Variants in GRIA3 observed in about 807,000 individuals in gnomAD.
GRIA3 encodes glutamate receptor 3.
A neutral mutation model predicts 63.0 loss-of-function variants in GRIA3; 3 were observed. The observed-to-expected ratio is 0.05, with a 90% CI of 0.02 to 0.12. GRIA3 has a LOEUF of 0.12. Ranked by LOEUF, GRIA3 falls within the 10% of genes least tolerant of loss-of-function variation. The pLI is 1.00. For synonymous variants in GRIA3, 274 were observed against 257.9 expected (o/e 1.06, Z -0.60); for missense variants, 347 against 700.9 (o/e 0.50, Z 5.70).
Position 123,484,274 on chromosome X carries a change from A to T in GRIA3, c.*2+1228A>T, listed in dbSNP as rs150842080. On this transcript the variant is annotated intron_variant, in intron 15 of 15. Transcript: ENST00000620443. ...CTCCATTCTGGACGTGTTTAAAAGA[A>T]TATAGTCTTGTTACTTTAAAGTGCA... Among the ~76,000 whole-genome samples, 701 of 112,440 alleles carry T rather than the reference A, an allele frequency of 6.2e-3. 10 individuals carry two copies. The highest frequency in any genetic ancestry group is 0.021 in the African/African-American group (649 of 31,006).
At chrX:123,476,155 C>A (rs1009302151) in intron 13 of GRIA3, among the ~76,000 whole-genome samples, 2 of 111,364 alleles carry the variant, frequency 1.8e-5, no homozygotes, top group African/African-American at 6.5e-5. Context: ...AATGGAGATA[C>A]AAATACATGA....
intron 12 of GRIA3, among the ~76,000 whole-genome samples, chrX:123,430,869 G>A (rs1603150537): frequency 9.0e-6 from 1 of 110,787 alleles, no homozygotes; most frequent in East Asian, 2.8e-4. Flanking sequence ...TGTAATTCCA[G>A]CTACTCGGGA....
intron 2 of GRIA3, among the ~76,000 whole-genome samples, chrX:123,214,205 A>G (rs1156856494): frequency 1.8e-5 from 2 of 112,360 alleles, no homozygotes; most frequent in African/African-American, 6.5e-5. Context: ...ATTTATTTTC[A>G]AGGAAGGAAA....
At chrX:123,336,913 G>A (rs1423168500) in intron 4 of GRIA3, among the ~76,000 whole-genome samples, 1 of 111,525 alleles carries the variant, frequency 9.0e-6, no homozygotes, top group Non-Finnish European at 1.9e-5. Context: ...CCTCAGAGAG[G>A]GCAAGTCTAC....
chrX:123,377,960 G>C (rs967731817), intron 5 of GRIA3, among the ~76,000 whole-genome samples: 2 of 112,178 alleles, frequency 1.8e-5, no homozygotes, highest in African/African-American at 6.5e-5. Context: ...AGAAGTTCCA[G>C]AAATCATACA....
intron 3 of GRIA3, among the ~76,000 whole-genome samples, chrX:123,267,307 T>C (rs2044493914): frequency 9.0e-6 from 1 of 110,977 alleles, no homozygotes; most frequent in African/African-American, 3.3e-5. Flanking sequence ...TTTGACCCAA[T>C]CTCCCTACCA....
At chrX:123,399,026 A>C (rs1344794970) in intron 7 of GRIA3, among the ~76,000 whole-genome samples, 1 of 111,431 alleles carries the variant, frequency 9.0e-6, no homozygotes. Flanking sequence ...AAAGAGATAA[A>C]TTTAGGGCAA....
intron 2 of GRIA3, among the ~76,000 whole-genome samples, chrX:123,227,285 A>G (rs1407087663): frequency 1.8e-5 from 2 of 112,094 alleles, no homozygotes; most frequent in East Asian, 5.6e-4. Flanking sequence ...GACATAGACT[A>G]TGAGTTACTT....
At chrX:123,258,763 C>G (rs978511142) in intron 3 of GRIA3, among the ~76,000 whole-genome samples, 1 of 111,745 alleles carries the variant, frequency 8.9e-6, no homozygotes, top group African/African-American at 3.3e-5. Context: ...TCAATAAACT[C>G]CTGCTGTCTC....
intron 9 of GRIA3, 102 bp downstream of exon 9, chrX:123,403,621 A>T: frequency 1.7e-6 from 1 of 597,257 alleles, no homozygotes; most frequent in Non-Finnish European, 2.9e-6. Context: ...TTCAAACAGT[A>T]AAAACTTCCA....
intron 13 of GRIA3, among the ~76,000 whole-genome samples, chrX:123,468,253 C>T (rs1442230181): frequency 2.7e-5 from 3 of 109,258 alleles, no homozygotes; most frequent in African/African-American, 1.0e-4. Context: ...AAGAGATGAA[C>T]GTGAATCTGG....
At chrX:123,419,877 G>A (rs769043108) in intron 11 of GRIA3, among the ~76,000 whole-genome samples, 12 of 111,044 alleles carry the variant, frequency 1.1e-4, no homozygotes, top group Non-Finnish European at 1.9e-4. Context: ...AAATTGGATC[G>A]TGATGATAGT....
rs1201931991 is a variant in GRIA3, at chrX:123,233,102, GTCT to G, written c.269-20194_269-20192del. ...GTGGAGTTGGAGTCCAATCAAAGCAGTCTTCTTCTAGAGTCTACTTAGCCACTG... is the reference window on the plus strand; with the variant it reads ...GTGGAGTTGGAGTCCAATCAAAGCAGTCTTCTAGAGTCTACTTAGCCACTG... On this transcript the variant is annotated intron_variant, in intron 2 of 15. Transcript: ENST00000620443. Among the ~76,000 whole-genome samples the G allele has an allele frequency of 5.4e-5, 6 of 110,371 alleles. No homozygotes were observed. In the East Asian group the frequency reaches 1.7e-3, roughly 32 times the overall value.
chrX:123,445,462 T>C (rs1379590036), intron 12 of GRIA3, among the ~76,000 whole-genome samples: 1 of 112,228 alleles, frequency 8.9e-6, no homozygotes, highest in Admixed American at 9.4e-5. Flanking sequence ...TGTACCAGGA[T>C]CTCCCACCTT....
At chrX:123,463,346 G>T (rs1043965782) in intron 12 of GRIA3, among the ~76,000 whole-genome samples, 21 of 108,073 alleles carry the variant, frequency 1.9e-4, no homozygotes, top group African/African-American at 4.1e-4. Context: ...CCAGGAGTTT[G>T]AGACCAGCCT....
At chrX:123,327,369 T>G (rs1178669870) in intron 4 of GRIA3, among the ~76,000 whole-genome samples, 3 of 111,298 alleles carry the variant, frequency 2.7e-5, no homozygotes. Context: ...GAAGTTTCAA[T>G]TTGCCAGTTA....
At chrX:123,323,920 C>T (rs746807228) in intron 3 of GRIA3, among the ~76,000 whole-genome samples, 4 of 111,755 alleles carry the variant, frequency 3.6e-5, no homozygotes, top group East Asian at 2.8e-4. Flanking sequence ...TAACAACCCA[C>T]GTCAAAGCAA....
At position 123,308,880 on chromosome X, in the gene GRIA3, T is replaced by G. The variant is rs747666920; in HGVS notation, c.509-17146T>G. On this transcript the variant is annotated intron_variant, in intron 3 of 15. Coordinates refer to ENST00000620443, the MANE Select transcript of GRIA3 (RefSeq NM_007325.5). ...TTATTTCATGCTAAGAAAAACAATC[T>G]TCTATCCAAGTGGGGCAAGCTAAGC... Among the ~76,000 whole-genome samples, 17 of 112,322 alleles carry G rather than the reference T, an allele frequency of 1.5e-4. No homozygotes were observed. In the South Asian group the frequency reaches 6.3e-3, roughly 42 times the overall value.
chrX:123,464,985 G>A lies in GRIA3; in HGVS notation c.2197G>A (p.Ala733Thr), dbSNP rs1452294008. The A allele has an allele frequency of 7.4e-6, 9 of 1,210,575 alleles. No individual in the cohort carries two copies. The highest frequency in any genetic ancestry group is 6.7e-6 in the Non-Finnish European group (6 of 894,689). The change falls in exon 13 of 16, where the codon GCC (alanine) becomes ACC (threonine). Residue 733 changes from alanine to threonine, a missense_variant. Ala to Thr is a moderately conservative substitution (Grantham distance 58). Transcript: ENST00000620443. ...ARVRKSKGKF[A>T]FLLESTMNEY... ...AGTGCGAAAGTCCAAGGGAAAGTTC[G>A]CCTTCCTGCTGGAGTCAACCATGAA...
Sources: gnomAD v4.1 joint callset for allele counts (sites outside exome capture counted in the v4.1 genomes callset) on GRCh38, gnomAD v4.1.1 for gene constraint, MANE v1.5 for transcripts, NCBI Gene and HGNC (gene_info 2026-07-23, HGNC 2026-07-21) for gene names.